The following GDAP2 variants were observed in gnomAD, a reference collection of about 807,000 sequenced individuals.
GDAP2 encodes the protein ganglioside induced differentiation associated protein 2.
Under a neutral mutation model 67.0 loss-of-function variants are expected in GDAP2, and 51 were observed. That is an observed-to-expected ratio of 0.76 (90% CI 0.61 to 0.96). GDAP2 has a LOEUF of 0.96. Among genes scored for constraint, GDAP2 ranks in the 40% least tolerant of loss-of-function variants. GDAP2 has a pLI of 0.00. For synonymous variants in GDAP2, 203 were observed against 207.3 expected, an observed-to-expected ratio of 0.98 and a Z score of 0.18; for missense variants, 547 against 588.3, an observed-to-expected ratio of 0.93 and a Z score of 0.73.
intron 5 of GDAP2, among the ~76,000 whole-genome samples, chr1:117,909,044 T>C (rs1649758791): frequency 6.6e-6 from 1 of 152,004 alleles, no homozygotes; most frequent in South Asian, 2.1e-4. Flanking sequence ...AAGACTAATG[T>C]CATGACTCTA....
At chr1:117,877,486 T>G (rs1021078284) in intron 13 of GDAP2, 1 of 973,318 alleles carries the variant, frequency 1.0e-6, no homozygotes, top group Non-Finnish European at 1.2e-6. Context: ...CTGTGACTAG[T>G]GCTTATGTAA....
At chr1:117,916,851 T>C (rs1460581541) in intron 3 of GDAP2, among the ~76,000 whole-genome samples, 1 of 152,096 alleles carries the variant, frequency 6.6e-6, no homozygotes, top group Non-Finnish European at 1.5e-5. Context: ...CTGGCCAGCA[T>C]GGTGAAACCC....
intron 1 of GDAP2, among the ~76,000 whole-genome samples, chr1:117,928,713 A>G (rs1650558656): frequency 1.3e-5 from 2 of 152,196 alleles, no homozygotes; most frequent in African/African-American, 2.4e-5. Context: ...CAAAAGTCTA[A>G]TTTCTAGGCT....
intron 5 of GDAP2, among the ~76,000 whole-genome samples, chr1:117,907,921 C>T (rs189965107): frequency 6.3e-4 from 96 of 152,288 alleles, no homozygotes; most frequent in African/African-American, 2.0e-3. Flanking sequence ...TATACTCCAA[C>T]GCCAACTGTC....
intron 13 of GDAP2, among the ~76,000 whole-genome samples, chr1:117,873,729 T>C (rs536936945): frequency 3.3e-4 from 51 of 152,274 alleles, no homozygotes; most frequent in African/African-American, 1.1e-3. Flanking sequence ...TCTGTGGTGG[T>C]AGCAACATAT....
chr1:117,898,591 G>C (rs955314631), intron 7 of GDAP2, among the ~76,000 whole-genome samples: 1 of 152,166 alleles, frequency 6.6e-6, no homozygotes, highest in Non-Finnish European at 1.5e-5. Flanking sequence ...ACACAGAGCA[G>C]ATTCAGAAGG....
At position 117,912,649 on chromosome 1, in the gene GDAP2, T is replaced by A. The variant is rs1649899989; in HGVS notation, c.351A>T (p.Gly117=). 1 of 1,613,596 alleles carries A rather than the reference T, an allele frequency of 6.2e-7. No individual in the cohort carries two copies. Among genetic ancestry groups the A allele is most frequent in the Admixed American group, 1.7e-5 (1 of 59,972 alleles). The part of the protein sequence containing the change: ...CRTGEAKLTK[G]FNLAARFIIH... ...TGATGAACCGGGCAGCTAGATTGAA[T>A]CCTTTTGTCAATTTTGCTTCACCTG... Residue 117 remains glycine, a synonymous_variant, in exon 4 of 14, where the codon GGA becomes GGT. Coordinates refer to ENST00000369443, the MANE Select transcript of GDAP2 (RefSeq NM_017686.4).
At chr1:117,900,825 C>T (rs1649432678) in intron 6 of GDAP2, among the ~76,000 whole-genome samples, 2 of 151,152 alleles carry the variant, frequency 1.3e-5, no homozygotes, top group African/African-American at 4.9e-5. Context: ...CTTAGGGAGG[C>T]CGAGGCGGAC....
At chr1:117,928,088 GA>G (rs1342869628) in intron 1 of GDAP2, among the ~76,000 whole-genome samples, 1 of 152,006 alleles carries the variant, frequency 6.6e-6, no homozygotes, top group Non-Finnish European at 1.5e-5. Context: ...AGTTTTTTAA[GA>G]AAAGGTAAAA....
intron 5 of GDAP2, among the ~76,000 whole-genome samples, chr1:117,909,025 G>A (rs1649758198): frequency 1.3e-5 from 2 of 151,996 alleles, no homozygotes; most frequent in African/African-American, 4.8e-5. Context: ...CTCTGCAAAA[G>A]CAGTGAAGAA....
chr1:117,863,800 A>G lies in GDAP2; in HGVS notation c.*6769T>C, dbSNP rs1647974486. 1 of 152,248 alleles carries G rather than the reference A, an allele frequency of 6.6e-6. No individual in the cohort carries two copies. The highest frequency in any genetic ancestry group is 2.1e-4 in the South Asian group (1 of 4,834). 9.4% of individuals were successfully genotyped at this position (152,248 alleles called of 1,614,324 possible). On this transcript the variant is annotated 3_prime_UTR_variant, in exon 14 of 14. Transcript: ENST00000369443. Reference sequence around the variant, plus strand: ...ATGTAATATATATAAAGAGCTTAGCAGCGTTCAAGGCACACAGTAAATCCT... The same window carrying G: ...ATGTAATATATATAAAGAGCTTAGCGGCGTTCAAGGCACACAGTAAATCCT...
chr1:117,871,254 C>T (rs1302258508), intron 13 of GDAP2, among the ~76,000 whole-genome samples: 3 of 152,122 alleles, frequency 2.0e-5, no homozygotes, highest in Admixed American at 6.5e-5. Context: ...GAATTAAATG[C>T]CAAACCTTTA....
intron 10 of GDAP2, among the ~76,000 whole-genome samples, chr1:117,885,859 T>C (rs1648836008): frequency 6.6e-6 from 1 of 152,152 alleles, no homozygotes; most frequent in African/African-American, 2.4e-5. Context: ...TCTACATAAT[T>C]ATCTTGTGGG....
chr1:117,921,389 G>A (rs573633288), intron 1 of GDAP2, among the ~76,000 whole-genome samples: 11 of 152,312 alleles, frequency 7.2e-5, no homozygotes, highest in South Asian at 2.1e-4. Flanking sequence ...AGAAACAAGC[G>A]GGTATCTAAC....
In GDAP2 at chr1:117,866,963, T is replaced by A. The variant is rs1648086246; in HGVS notation, c.*3606A>T. On this transcript the variant is annotated 3_prime_UTR_variant, in exon 14 of 14. Coordinates refer to ENST00000369443, the MANE Select transcript of GDAP2 (RefSeq NM_017686.4). ...GCAGTTCTTTTGGTCCTTAATACAA[T>A]CAATCCACTGCCACTAGAACCATGT... The A allele has an allele frequency of 6.6e-6, 1 of 152,030 alleles. No homozygotes were observed. Among genetic ancestry groups the A allele is most frequent in the South Asian group, 2.1e-4 (1 of 4,820 alleles). 9.4% of individuals were successfully genotyped at this position (152,030 alleles called of 1,614,324 possible).
chr1:117,869,960 C>T lies in GDAP2; in HGVS notation c.*609G>A, dbSNP rs1221782620. On this transcript the variant is annotated 3_prime_UTR_variant, in exon 14 of 14. Coordinates refer to ENST00000369443, the MANE Select transcript of GDAP2 (RefSeq NM_017686.4). The stretch of plus-strand genomic sequence containing the variant: ...TTAACAAGTCATATAATCCAAGGAA[C>T]CTTAGTCCTTAAACTTTAGTCTTAA... 3 of 152,316 alleles carry T rather than the reference C, an allele frequency of 2.0e-5. No individual in the cohort carries two copies. Among genetic ancestry groups the T allele is most frequent in the African/African-American group, 7.2e-5 (3 of 41,458 alleles). The allele number at this position is 152,316 out of a possible 1,614,324, so 9.4% of individuals were successfully genotyped here.
intron 1 of GDAP2, among the ~76,000 whole-genome samples, chr1:117,922,144 G>A (rs914131381): frequency 4.6e-5 from 7 of 152,124 alleles, no homozygotes. Flanking sequence ...TGAGGCTAGA[G>A]CTCACAGAAG....
chr1:117,883,263 C>A (rs528321257), intron 11 of GDAP2: 2 of 417,166 alleles, frequency 4.8e-6, no homozygotes, highest in African/African-American at 2.0e-5. Context: ...GTTATTTTAT[C>A]CACAAAGATT....
In GDAP2 at chr1:117,920,354, C is replaced by T; in HGVS notation, c.4G>A (p.Asp2Asn). 1 of 1,586,108 alleles carries T rather than the reference C, an allele frequency of 6.3e-7. No homozygotes were observed. The highest frequency in any genetic ancestry group is 8.6e-7 in the Non-Finnish European group (1 of 1,166,872). ...AACTGGGAAGGTGCACCTAAGGGATCCATGGAATGGGAACTTTGATTTGTC... is the reference window on the plus strand; with the variant it reads ...AACTGGGAAGGTGCACCTAAGGGATTCATGGAATGGGAACTTTGATTTGTC... Reference protein sequence around the residue: MDPLGAPSQFVD... With the variant: MNPLGAPSQFVD... Residue 2 changes from aspartate to asparagine, a missense_variant, in exon 2 of 14, where the codon GAT becomes AAT. Asp to Asn is a conservative substitution (Grantham distance 23, BLOSUM62 1). Coordinates refer to ENST00000369443, the MANE Select transcript of GDAP2 (RefSeq NM_017686.4).
Sources: allele counts gnomAD v4.1 joint callset (sites outside exome capture counted in the v4.1 genomes callset), GRCh38; gene constraint gnomAD v4.1.1; transcripts MANE v1.5; gene names NCBI Gene and HGNC (gene_info 2026-07-23, HGNC 2026-07-21).